Variants in LRP1B observed in about 807,000 individuals in gnomAD.
LRP1B encodes the protein low-density lipoprotein receptor-related protein 1B.
LRP1B carries 217 observed loss-of-function variants against 556.6 expected under a neutral mutation model. The ratio of observed to expected loss-of-function variants is 0.39; its 90% CI spans 0.35 to 0.44. LRP1B has a LOEUF of 0.44. LRP1B is among the 20% of genes least tolerant of loss of function. The probability of loss-of-function intolerance (pLI) is 1.00; values close to 1 mark genes in which losing one functional copy is unlikely to be tolerated. For missense variants in LRP1B, 5,053 were observed against 5,620.8 expected, an observed-to-expected ratio of 0.90 and a Z score of 3.23; for synonymous variants, 2,047 against 1,865.8, an observed-to-expected ratio of 1.10 and a Z score of -2.50.
chr2:140,653,039 C>G (rs1388588665), intron 41 of LRP1B, among the ~76,000 whole-genome samples: 2 of 151,910 alleles, frequency 1.3e-5, no homozygotes, highest in Non-Finnish European at 2.9e-5. Context: ...ACAGGAAAGA[C>G]CCAGACCAAA....
intron 17 of LRP1B, among the ~76,000 whole-genome samples, chr2:140,988,154 A>G (rs954544083): frequency 1.3e-5 from 2 of 152,058 alleles, no homozygotes; most frequent in African/African-American, 4.8e-5. Flanking sequence ...AAACTCTTGG[A>G]TCAAGTTTCC....
intron 27 of LRP1B, among the ~76,000 whole-genome samples, chr2:140,864,066 G>A (rs909249365): frequency 4.0e-5 from 6 of 151,888 alleles, no homozygotes; most frequent in Non-Finnish European, 8.8e-5. Flanking sequence ...TCCCCTGGCT[G>A]TTAGACCTTG....
chr2:140,914,540 G>A (rs1694518112), intron 21 of LRP1B, among the ~76,000 whole-genome samples: 1 of 152,086 alleles, frequency 6.6e-6, no homozygotes, highest in South Asian at 2.1e-4. Context: ...GGAAATTTTG[G>A]AGTCCTAGAG....
At chr2:141,622,073 T>C (rs1314307220) in intron 2 of LRP1B, among the ~76,000 whole-genome samples, 2 of 152,032 alleles carry the variant, frequency 1.3e-5, no homozygotes, top group Non-Finnish European at 2.9e-5. Context: ...GTATTTTTAG[T>C]AGAGACGAGG....
intron 24 of LRP1B, among the ~76,000 whole-genome samples, chr2:140,885,338 A>T (rs927794282): frequency 2.1e-4 from 31 of 151,060 alleles, no homozygotes; most frequent in African/African-American, 7.5e-4. Context: ...AGAAATATAT[A>T]TTTATGTCAA....
At chr2:141,648,485 T>C (rs1362615028) in intron 2 of LRP1B, among the ~76,000 whole-genome samples, 1 of 152,186 alleles carries the variant, frequency 6.6e-6, no homozygotes, top group African/African-American at 2.4e-5. Flanking sequence ...TTTTCTCTCT[T>C]TTCTATTCCT....
At chr2:141,101,617 T>C (rs1236846504) in intron 7 of LRP1B, among the ~76,000 whole-genome samples, 1 of 152,178 alleles carries the variant, frequency 6.6e-6, no homozygotes, top group Non-Finnish European at 1.5e-5. Flanking sequence ...TGTATTTGAA[T>C]GAATGAGTGA....
chr2:141,939,265 A>T (rs1700724968), intron 1 of LRP1B, among the ~76,000 whole-genome samples: 1 of 152,100 alleles, frequency 6.6e-6, no homozygotes, highest in Non-Finnish European at 1.5e-5. Flanking sequence ...CACACACAAT[A>T]TTACAAAAAG....
At chr2:140,538,842 A>G (rs1186371934) in intron 45 of LRP1B, among the ~76,000 whole-genome samples, 1 of 152,158 alleles carries the variant, frequency 6.6e-6, no homozygotes, top group Non-Finnish European at 1.5e-5. Flanking sequence ...AGGATGGAAA[A>G]GTCCATTTTT....
intron 2 of LRP1B, chr2:141,805,434 G>A (rs541331812): frequency 2.6e-5 from 4 of 152,174 alleles, no homozygotes; most frequent in Non-Finnish European, 5.9e-5. Flanking sequence ...AAGGAAGTAT[G>A]AAAAAATAGA....
At chr2:140,529,071 A>G (rs1445293494) in intron 47 of LRP1B, among the ~76,000 whole-genome samples, 1 of 152,010 alleles carries the variant, frequency 6.6e-6, no homozygotes. Context: ...CAAGGGAGAG[A>G]TACTACACTT....
intron 2 of LRP1B, among the ~76,000 whole-genome samples, chr2:141,640,982 T>G (rs548463644): frequency 1.3e-5 from 2 of 152,288 alleles, no homozygotes; most frequent in Admixed American, 1.3e-4. Flanking sequence ...TACTAGTATA[T>G]GCCCAACGTC....
chr2:141,559,894 C>A (rs548808893), intron 2 of LRP1B, among the ~76,000 whole-genome samples: 1 of 151,308 alleles, frequency 6.6e-6, no homozygotes, highest in African/African-American at 2.4e-5. Flanking sequence ...TTGTAAAGTT[C>A]GAGGTAGAAA....
chr2:141,012,349 C>T lies in LRP1B; in HGVS notation c.2380+1207G>A, dbSNP rs114422193. Reference sequence around the variant, plus strand: ...TGTGAAGTTAGAGAGAACTACAATCCTGAAAAGCAGATCTTTCAGAATATG... The same window carrying T: ...TGTGAAGTTAGAGAGAACTACAATCTTGAAAAGCAGATCTTTCAGAATATG... On this transcript the variant is annotated intron_variant, in intron 14 of 90. Coordinates refer to ENST00000389484, the MANE Select transcript of LRP1B (RefSeq NM_018557.3). 7.5e-3 allele frequency among the ~76,000 whole-genome samples: 1,145 copies of T among 152,076 alleles called. 8 individuals are homozygous for T. Among genetic ancestry groups the T allele is most frequent in the Non-Finnish European group, 0.012 (782 of 67,934 alleles).
intron 3 of LRP1B, among the ~76,000 whole-genome samples, chr2:141,310,747 C>A (rs1390260151): frequency 1.3e-5 from 2 of 151,968 alleles, no homozygotes; most frequent in African/African-American, 2.4e-5. Context: ...TAAGACGATG[C>A]AAATTAGAAA....
At chr2:140,560,284 T>C (rs1488438172) in intron 43 of LRP1B, among the ~76,000 whole-genome samples, 2 of 152,158 alleles carry the variant, frequency 1.3e-5, no homozygotes, top group Admixed American at 6.5e-5. Context: ...GGTCATCAAA[T>C]GTAATGTGTG....
chr2:140,349,372 A>G (rs1681854287), intron 77 of LRP1B, among the ~76,000 whole-genome samples: 1 of 152,062 alleles, frequency 6.6e-6, no homozygotes, highest in South Asian at 2.1e-4. Flanking sequence ...ACATTTTGCC[A>G]ATTATCATTA....
At chr2:140,539,382 T>C (rs1169767688) in intron 45 of LRP1B, among the ~76,000 whole-genome samples, 3 of 152,124 alleles carry the variant, frequency 2.0e-5, no homozygotes, top group African/African-American at 7.2e-5. Context: ...GATTTCAATA[T>C]GAATGCACAA....
At chr2:140,421,141 T>C (rs1685424107) in intron 66 of LRP1B, among the ~76,000 whole-genome samples, 2 of 151,862 alleles carry the variant, frequency 1.3e-5, no homozygotes, top group African/African-American at 4.8e-5. Flanking sequence ...CTGTAGTCCA[T>C]CCACTCGGGA....
Sources: allele counts gnomAD v4.1 joint callset (sites outside exome capture counted in the v4.1 genomes callset), GRCh38; gene constraint gnomAD v4.1.1; transcripts MANE v1.5; gene names NCBI Gene and HGNC (gene_info 2026-07-23, HGNC 2026-07-21).